TRAPPC10: variants seen among roughly 807,000 people sequenced by gnomAD.
The protein encoded by TRAPPC10 is TRAPP 130 kDa subunit.
TRAPPC10 carries 23 observed loss-of-function variants against 125.5 expected under a neutral mutation model. The ratio of observed to expected loss-of-function variants is 0.18; its 90% CI spans 0.13 to 0.26. The LOEUF (loss-of-function observed/expected upper bound fraction) is 0.26, where lower values mean the gene tolerates loss of function less well. TRAPPC10 is among the 10% of genes least tolerant of loss of function. The probability of loss-of-function intolerance (pLI) is 1.00; values close to 1 mark genes in which losing one functional copy is unlikely to be tolerated. For missense variants in TRAPPC10, 1,123 were observed against 1,308.4 expected (o/e 0.86, Z 2.19); for synonymous variants, 509 against 518.0 (o/e 0.98, Z 0.24).
rs2036176965 is a variant in TRAPPC10 at position 44,063,078 on chromosome 21, GT to G, written c.791-458del. On this transcript the variant is annotated intron_variant, in intron 6 of 22. Coordinates refer to ENST00000291574, the MANE Select transcript of TRAPPC10 (RefSeq NM_003274.5). This position sits in a 1 kb window ranked among gnomAD's most constrained non-coding sequence, Gnocchi z 4.4. Reference sequence around the variant, plus strand: ...GAGCTTGACTCAGGGACGTGACGTGGTTGAGTTAGGGAAATAAGGAAGGAAT... The same window carrying G: ...GAGCTTGACTCAGGGACGTGACGTGGTGAGTTAGGGAAATAAGGAAGGAAT... The G allele has an allele frequency of 7.7e-7, 1 of 1,304,284 alleles. No homozygotes were observed. Among genetic ancestry groups the G allele is most frequent in the African/African-American group, 1.5e-5 (1 of 65,842 alleles). 80.8% of individuals were successfully genotyped at this position (1,304,284 alleles called of 1,614,324 possible).
intron 1 of TRAPPC10, among the ~76,000 whole-genome samples, chr21:44,014,593 G>GT (rs374497169): frequency 0.092 from 12,603 of 136,596 alleles, 1,357 homozygotes; most frequent in African/African-American, 0.24. Context: ...GTTTGTTTTT[G>GT]TTTTTTTTTT....
At chr21:44,027,820 C>T (rs2033208270) in intron 1 of TRAPPC10, among the ~76,000 whole-genome samples, 1 of 152,080 alleles carries the variant, frequency 6.6e-6, no homozygotes, top group Admixed American at 6.5e-5. Context: ...GGAGTCCCCA[C>T]AAAAGGGATT....
intron 1 of TRAPPC10, among the ~76,000 whole-genome samples, chr21:44,013,318 A>C (rs2031393994): frequency 6.6e-6 from 1 of 152,232 alleles, no homozygotes; most frequent in South Asian, 2.1e-4. Context: ...CTCCAGAGTT[A>C]AATACGGTTA....
chr21:44,093,923 T>C (rs1458745521), intron 19 of TRAPPC10, 140 bp from the exon 20 acceptor site: 9 of 795,780 alleles, frequency 1.1e-5, no homozygotes, highest in Admixed American at 1.1e-4. Context: ...TAAAGCAGCA[T>C]GCATAGGCGT....
intron 3 of TRAPPC10, among the ~76,000 whole-genome samples, chr21:44,050,610 T>C (rs1165835687): frequency 2.0e-5 from 3 of 152,270 alleles, no homozygotes; most frequent in Admixed American, 6.5e-5. Flanking sequence ...CAGCACAGAA[T>C]GGTTCACCAG....
intron 3 of TRAPPC10, among the ~76,000 whole-genome samples, chr21:44,044,417 G>A (rs1008345622): frequency 6.6e-6 from 1 of 151,196 alleles, no homozygotes; most frequent in Middle Eastern, 3.4e-3. Context: ...ATGTTGAATA[G>A]TTGCTTTAGG....
chr21:44,077,806 T>C, intron 11 of TRAPPC10, 22 bp downstream of exon 11: 1 of 1,555,518 alleles, frequency 6.4e-7, no homozygotes, highest in Non-Finnish European at 8.9e-7. Context: ...TGTACTTTTC[T>C]TTGAATTCTA....
chr21:44,078,181 A>AC, intron 11 of TRAPPC10, among the ~76,000 whole-genome samples: 1 of 152,310 alleles, frequency 6.6e-6, no homozygotes, highest in African/African-American at 2.4e-5. Flanking sequence ...ATGTAAAGCT[A>AC]CTGCATGTGT....
chr21:44,068,497 C>T (rs1459600733), intron 7 of TRAPPC10, among the ~76,000 whole-genome samples: 1 of 152,054 alleles, frequency 6.6e-6, no homozygotes, highest in Admixed American at 6.5e-5. Flanking sequence ...AAGGTTAGGA[C>T]CTAGTGAGGC....
chr21:44,070,754 A>G (rs1426314431), intron 7 of TRAPPC10, among the ~76,000 whole-genome samples: 1 of 152,196 alleles, frequency 6.6e-6, no homozygotes, highest in Non-Finnish European at 1.5e-5. Flanking sequence ...TGGGTAAAAT[A>G]AGCCAGGGTG....
intron 2 of TRAPPC10, 109 bp from the exon 3 acceptor site, chr21:44,037,683 A>G (rs2070319797): frequency 8.0e-7 from 1 of 1,247,640 alleles, no homozygotes; most frequent in African/African-American, 1.5e-5. Context: ...GGGTTAATAT[A>G]TGTGCTCTGA....
chr21:44,077,909 C>CA, intron 11 of TRAPPC10, 125 bp downstream of exon 11: 1 of 575,092 alleles, frequency 1.7e-6, no homozygotes, highest in Non-Finnish European at 2.7e-6. Context: ...TTCTCTTACC[C>CA]AGTCCTCATA....
At chr21:44,074,045 A>T (rs1348908241) in intron 7 of TRAPPC10, among the ~76,000 whole-genome samples, 2 of 152,130 alleles carry the variant, frequency 1.3e-5, no homozygotes, top group African/African-American at 4.8e-5. Flanking sequence ...CTTTTTCTTA[A>T]TAAGGTTTTC....
chr21:44,037,040 G>C (rs1288365808), intron 2 of TRAPPC10, among the ~76,000 whole-genome samples: 1 of 152,218 alleles, frequency 6.6e-6, no homozygotes, highest in African/African-American at 2.4e-5. Context: ...TCCCATTCAT[G>C]ATGGTTGGTT....
At chr21:44,090,976 A>C (rs1402664611) in intron 18 of TRAPPC10, among the ~76,000 whole-genome samples, 2 of 151,872 alleles carry the variant, frequency 1.3e-5, no homozygotes, top group African/African-American at 4.8e-5. Flanking sequence ...GCGGATCACG[A>C]GGTCGGGAGT....
intron 17 of TRAPPC10, chr21:44,088,523 G>A (rs1165636659): frequency 1.3e-5 from 2 of 156,346 alleles, no homozygotes; most frequent in South Asian, 1.8e-4. Flanking sequence ...CCCAAGAGCA[G>A]CGGGGGCAAA....
chr21:44,070,023 C>G (rs1242960453), intron 7 of TRAPPC10, among the ~76,000 whole-genome samples: 1 of 151,784 alleles, frequency 6.6e-6, no homozygotes, highest in Non-Finnish European at 1.5e-5. Flanking sequence ...CTTTTTGATT[C>G]CTTGTGTCTG....
At chr21:44,031,537 G>A (rs2147261640) in intron 1 of TRAPPC10, among the ~76,000 whole-genome samples, 1 of 152,352 alleles carries the variant, frequency 6.6e-6, no homozygotes, top group African/African-American at 2.4e-5. Context: ...TTCCTCATCT[G>A]TGAATTGGGG....
chr21:44,012,376 AGCTGCCTGGCGCGGCCGGGCGGGCG>A lies in TRAPPC10; in HGVS notation c.-115_-91del. On this transcript the variant is annotated 5_prime_UTR_variant, in exon 1 of 23. Transcript: ENST00000291574. ...GCAGCTGCGGCGCAACCGGCTCCGG[AGCTGCCTGGCGCGGCCGGGCGGGCG>A]GCGCCGCTCAGGCTCGGGCTCCGGC... 1 of 464,232 alleles carries A rather than the reference AGCTGCCTGGCGCGGCCGGGCGGGCG, an allele frequency of 2.2e-6. No homozygotes were observed. 28.8% of individuals were successfully genotyped at this position (464,232 alleles called of 1,614,324 possible).
Sources: allele counts gnomAD v4.1 joint callset (sites outside exome capture counted in the v4.1 genomes callset), GRCh38; gene constraint gnomAD v4.1.1; non-coding constraint Gnocchi (gnomAD v3.1); transcripts MANE v1.5; gene names NCBI Gene and HGNC (gene_info 2026-07-23, HGNC 2026-07-21).